G3BP1: variants seen among roughly 807,000 people sequenced by gnomAD.
G3BP1 encodes the protein G3BP stress granule assembly factor 1.
In G3BP1, 35 loss-of-function variants were observed where a neutral mutation model predicts 58.6. The observed-to-expected ratio is 0.60, with a 90% CI of 0.46 to 0.79. The LOEUF (loss-of-function observed/expected upper bound fraction) is 0.79. G3BP1 is among the 30% of genes least tolerant of loss of function. The probability of loss-of-function intolerance (pLI) is 0.00; values close to 1 mark genes in which losing one functional copy is unlikely to be tolerated. For synonymous variants in G3BP1, 191 were observed against 195.4 expected, an observed-to-expected ratio of 0.98 and a Z score of 0.19; for missense variants, 523 against 580.8, an observed-to-expected ratio of 0.90 and a Z score of 1.02.
At chr5:151,772,088 C>CA (rs1762269187) in intron 1 of G3BP1, 52 bp downstream of exon 1, 1 of 152,412 alleles carries the variant, frequency 6.6e-6, no homozygotes, top group African/African-American at 2.4e-5. Context: ...AGCCGAGCCG[C>CA]AGCACTTGTG....
At chr5:151,800,390 C>T (rs757851083) in intron 10 of G3BP1, 44 bp downstream of exon 10, 1 of 1,476,092 alleles carries the variant, frequency 6.8e-7, no homozygotes. Context: ...TAGTGTCTCT[C>T]TAGCACTGTC....
Position 151,810,828 on chromosome 5 carries a change from T to C in G3BP1, c.*6737T>C, listed in dbSNP as rs1763007900. ...TTCAGTGGAGAAAATTGTTGGGAAATTTGGGGGGATGGATATATAAGGGGG... is the reference window on the plus strand; with the variant it reads ...TTCAGTGGAGAAAATTGTTGGGAAACTTGGGGGGATGGATATATAAGGGGG... On this transcript the variant is annotated 3_prime_UTR_variant, in exon 12 of 12. Transcript: ENST00000356245. The C allele has an allele frequency of 6.7e-6, 1 of 149,970 alleles. No homozygotes were observed. The highest frequency in any genetic ancestry group is 3.4e-3 in the Middle Eastern group (1 of 294). The allele number at this position is 149,970 out of a possible 1,614,324, so 9.3% of individuals were successfully genotyped here.
rs116290906 is a variant in G3BP1, at chr5:151,803,847, A to C, written c.1195-38A>C. 3,635 of 1,357,300 alleles carry C rather than the reference A, an allele frequency of 2.7e-3. 40 individuals carry two copies. In the African/African-American group the frequency reaches 0.032, roughly 12 times the overall value. 84.1% of individuals were successfully genotyped at this position (1,357,300 alleles called of 1,614,324 possible). On this transcript the variant is annotated intron_variant, in intron 11 of 11. Transcript: ENST00000356245. ...TATCTTTGATAGTGATAGCCAGCTC[A>C]TCAGTACTCTTAAGTCTGGTCACCT...
At position 151,774,469 on chromosome 5, in the gene G3BP1, G is replaced by A. The variant is rs577718268; in HGVS notation, c.-50+2433G>A. Among the ~76,000 whole-genome samples, 4 of 151,886 alleles carry A rather than the reference G, an allele frequency of 2.6e-5. No homozygotes were observed. The South Asian group carries it at 8.3e-4, about 32-fold the overall frequency. ...AGGACTGATGGGGCTAGTGTTAAAA[G>A]ATAAAATTTAACATAAAGCTTACAT... On this transcript the variant is annotated intron_variant, in intron 1 of 11. Transcript: ENST00000356245.
rs1762980308 is a variant in G3BP1 at position 151,809,287 on chromosome 5, G to A, written c.*5196G>A. The stretch of plus-strand genomic sequence containing the variant: ...TAAAATTTTGTTATGAAGATTGGAT[G>A]TACACTGATTTGGCCCTTTAAATGA... On this transcript the variant is annotated 3_prime_UTR_variant, in exon 12 of 12. Transcript: ENST00000356245. 6.6e-6 allele frequency: 1 copy of A among 152,200 alleles called. No individual in the cohort carries two copies. The highest frequency in any genetic ancestry group is 6.5e-5 in the Admixed American group (1 of 15,286). 9.4% of individuals were successfully genotyped at this position (152,200 alleles called of 1,614,324 possible).
intron 1 of G3BP1, among the ~76,000 whole-genome samples, chr5:151,785,965 C>T (rs1425482499): frequency 2.6e-5 from 4 of 152,144 alleles, no homozygotes; most frequent in Non-Finnish European, 5.9e-5. Context: ...GTGCTTGTAA[C>T]TTTACAACTG....
In G3BP1 at chr5:151,794,345, A is replaced by G. The variant is rs1762710817; in HGVS notation, c.442+96A>G. ...TATGGGTTTCTTTACTGTTTTCATT[A>G]CACTCTGTTCTTCATTAATAACTAA... is the stretch of plus-strand genomic sequence containing the variant. On this transcript the variant is annotated intron_variant, in intron 5 of 11. Transcript: ENST00000356245. The G allele has an allele frequency of 7.1e-6, 5 of 705,516 alleles. No individual in the cohort carries two copies. The Admixed American group carries it at 9.1e-5, about 13-fold the overall frequency. The allele number at this position is 705,516 out of a possible 1,614,324, so 43.7% of individuals were successfully genotyped here.
At position 151,800,935 on chromosome 5, in the gene G3BP1, T is replaced by G. The variant is rs1375022071; in HGVS notation, c.1194+66T>G. The G allele has an allele frequency of 3.3e-5, 25 of 767,654 alleles. No individual in the cohort carries two copies. In the Admixed American group the frequency reaches 5.2e-4, roughly 16 times the overall value. The allele number at this position is 767,654 out of a possible 1,614,324, so 47.6% of individuals were successfully genotyped here. A position where few individuals can be genotyped will look rare whatever the true frequency, so the allele number is the denominator to read the frequency against. ...AAAAGGGTTTTGGTTCTTTAGAATA[T>G]ATCTTTACAGCTGGGTCTTTATGTA... On this transcript the variant is annotated intron_variant, in intron 11 of 11. Coordinates refer to ENST00000356245, the MANE Select transcript of G3BP1 (RefSeq NM_005754.3).
intron 1 of G3BP1, among the ~76,000 whole-genome samples, chr5:151,773,434 T>G (rs961646682): frequency 1.3e-5 from 2 of 152,218 alleles, no homozygotes; most frequent in Non-Finnish European, 2.9e-5. Flanking sequence ...GATGAAAGTT[T>G]GTGTACACTC....
At position 151,805,466 on chromosome 5, in the gene G3BP1, T is replaced by C. The variant is rs968635941; in HGVS notation, c.*1375T>C. 1 of 152,434 alleles carries C rather than the reference T, an allele frequency of 6.6e-6. No individual in the cohort carries two copies. The highest frequency in any genetic ancestry group is 1.5e-5 in the Non-Finnish European group (1 of 68,048). The allele number at this position is 152,434 out of a possible 1,614,324, so 9.4% of individuals were successfully genotyped here. Reference sequence around the variant, plus strand: ...TGTGAAACAAACTTTTGTGTGATTGTCATTACTAATTGAAGGGCAACCAGG... The same window carrying C: ...TGTGAAACAAACTTTTGTGTGATTGCCATTACTAATTGAAGGGCAACCAGG... On this transcript the variant is annotated 3_prime_UTR_variant, in exon 12 of 12. Coordinates refer to ENST00000356245, the MANE Select transcript of G3BP1 (RefSeq NM_005754.3).
At position 151,797,274 on chromosome 5, in the gene G3BP1, C is replaced by T; in HGVS notation, c.587C>T (p.Pro196Leu). The change falls in exon 7 of 12, where the codon CCT becomes CTT. Residue 196 changes from proline (P) to leucine (L), a missense_variant. By Grantham distance (98) the Pro-to-Leu change is moderately conservative. This residue lies in a region of G3BP1 where 398 missense variants were observed against 399.1 expected (regional missense o/e 1.00). Coordinates refer to ENST00000356245, the MANE Select transcript of G3BP1 (RefSeq NM_005754.3). ...GAGGAGCCTGTTGCTGAACCAGAGCCTGATCCTGAACCAGAACCAGAACAA... is the reference window on the plus strand; with the variant it reads ...GAGGAGCCTGTTGCTGAACCAGAGCTTGATCCTGAACCAGAACCAGAACAA... ...HLEEPVAEPE[P>L]DPEPEPEQEP... is the part of the protein sequence containing the mutation. 4.3e-6 allele frequency: 7 copies of T among 1,612,988 alleles called. No homozygotes were observed. The highest frequency in any genetic ancestry group is 5.9e-6 in the Non-Finnish European group (7 of 1,179,006).
intron 11 of G3BP1, among the ~76,000 whole-genome samples, chr5:151,803,518 A>G (rs1440089108): frequency 6.6e-6 from 1 of 151,098 alleles, no homozygotes; most frequent in African/African-American, 2.4e-5. Context: ...TCTGAGTCGG[A>G]GTCTCGCTCT....
intron 7 of G3BP1, 36 bp downstream of exon 7, chr5:151,797,464 G>T (rs558552988): frequency 1.3e-6 from 2 of 1,557,532 alleles, no homozygotes; most frequent in Non-Finnish European, 1.7e-6. Flanking sequence ...TCTATTCCTA[G>T]TTATTTTTTT....
intron 11 of G3BP1, among the ~76,000 whole-genome samples, chr5:151,803,439 T>TA (rs545155649): frequency 6.6e-5 from 10 of 152,106 alleles, no homozygotes; most frequent in African/African-American, 2.2e-4. Flanking sequence ...TCTGTCTCAT[T>TA]AAAAAAACAA....
At chr5:151,797,930 G>A (rs1249169236) in intron 7 of G3BP1, among the ~76,000 whole-genome samples, 1 of 152,152 alleles carries the variant, frequency 6.6e-6, no homozygotes, top group Admixed American at 6.5e-5. Context: ...TTGTCCTTCT[G>A]AGTCTCGTCA....
chr5:151,781,954 A>C (rs1446859579), intron 1 of G3BP1, among the ~76,000 whole-genome samples: 5 of 152,050 alleles, frequency 3.3e-5, no homozygotes, highest in Non-Finnish European at 7.4e-5. Flanking sequence ...ACTGTAGTTC[A>C]TCCAAAAGGT....
At chr5:151,802,047 C>T (rs1369563103) in intron 11 of G3BP1, among the ~76,000 whole-genome samples, 1 of 152,140 alleles carries the variant, frequency 6.6e-6, no homozygotes, top group Non-Finnish European at 1.5e-5. Flanking sequence ...GAACTCCTGA[C>T]CTCAGGTGAT....
chr5:151,778,893 C>T (rs1466235895), intron 1 of G3BP1, among the ~76,000 whole-genome samples: 2 of 151,768 alleles, frequency 1.3e-5, no homozygotes, highest in East Asian at 3.9e-4. Flanking sequence ...CTCATCTCTA[C>T]TAAAAATACA....
intron 1 of G3BP1, among the ~76,000 whole-genome samples, chr5:151,781,512 A>T (rs1030239780): frequency 5.3e-5 from 8 of 152,232 alleles, no homozygotes; most frequent in Non-Finnish European, 1.2e-4. Context: ...CATGTTTAGT[A>T]CAATACTGAA....
Sources: gnomAD v4.1 joint callset for allele counts (sites outside exome capture counted in the v4.1 genomes callset) on GRCh38, gnomAD v4.1.1 for gene constraint, gnomAD v4.1.1 regional missense constraint, MANE v1.5 for transcripts, NCBI Gene and HGNC (gene_info 2026-07-23, HGNC 2026-07-21) for gene names.